XYLT1: variants seen among roughly 807,000 people sequenced by gnomAD.
XYLT1 encodes beta-D-xylosyltransferase 1.
In XYLT1, 36 loss-of-function variants were observed where a neutral mutation model predicts 91.3. The observed-to-expected ratio is 0.39, with a 90% CI of 0.30 to 0.52. The LOEUF (loss-of-function observed/expected upper bound fraction) is 0.52. XYLT1 is among the 20% of genes least tolerant of loss of function. The pLI, the probability that XYLT1 is intolerant of heterozygous loss-of-function variation, is 0.68. For synonymous variants in XYLT1, 588 were observed against 532.0 expected (o/e 1.11, Z -1.45); for missense variants, 1,242 against 1,284.5 (o/e 0.97, Z 0.51).
intron 1 of XYLT1, among the ~76,000 whole-genome samples, chr16:17,385,118 G>C (rs1317884077): frequency 6.6e-6 from 1 of 151,744 alleles, no homozygotes; most frequent in Non-Finnish European, 1.5e-5. Context: ...ACGGAGCAGA[G>C]AGACATGATC....
chr16:17,439,151 T>C (rs1215586013), intron 1 of XYLT1, among the ~76,000 whole-genome samples: 2 of 152,222 alleles, frequency 1.3e-5, no homozygotes, highest in Non-Finnish European at 2.9e-5. Context: ...AGTGAAGCAA[T>C]GATTTAGATC....
At chr16:17,461,847 C>T (rs1246433043) in intron 1 of XYLT1, among the ~76,000 whole-genome samples, 1 of 152,138 alleles carries the variant, frequency 6.6e-6, no homozygotes, top group Non-Finnish European at 1.5e-5. Context: ...AACTTATTGC[C>T]TTAGTTTTCA....
intron 3 of XYLT1, among the ~76,000 whole-genome samples, chr16:17,258,763 G>A (rs1165305615): frequency 2.6e-5 from 4 of 151,960 alleles, no homozygotes; most frequent in Admixed American, 6.6e-5. Flanking sequence ...AAAGGCAATG[G>A]GTTAAAGCAC....
At chr16:17,393,101 G>A (rs2035840555) in intron 1 of XYLT1, among the ~76,000 whole-genome samples, 1 of 152,030 alleles carries the variant, frequency 6.6e-6, no homozygotes, top group Non-Finnish European at 1.5e-5. Flanking sequence ...TTTGGAAAAA[G>A]CACAGGCCAG....
intron 1 of XYLT1, among the ~76,000 whole-genome samples, chr16:17,383,266 C>T (rs761407457): frequency 5.3e-5 from 8 of 151,898 alleles, no homozygotes; most frequent in Non-Finnish European, 1.2e-4. Flanking sequence ...GGAATCCCTT[C>T]TTCTCTTGCC....
At chr16:17,251,695 GCA>G (rs1413741027) in intron 3 of XYLT1, among the ~76,000 whole-genome samples, 2 of 152,174 alleles carry the variant, frequency 1.3e-5, no homozygotes, top group Non-Finnish European at 2.9e-5. Flanking sequence ...GTGTCACCTG[GCA>G]GCTGGCACAG....
At chr16:17,245,196 G>A (rs1297721477) in intron 3 of XYLT1, among the ~76,000 whole-genome samples, 2 of 152,184 alleles carry the variant, frequency 1.3e-5, no homozygotes, top group East Asian at 1.9e-4. Flanking sequence ...CTTGACTTGA[G>A]GAATTAGATT....
intron 1 of XYLT1, among the ~76,000 whole-genome samples, chr16:17,368,214 G>C (rs1047413171): frequency 1.3e-5 from 2 of 152,164 alleles, no homozygotes; most frequent in African/African-American, 4.8e-5. Flanking sequence ...GGGATGTAGA[G>C]CTGCCTTCCT....
chr16:17,347,315 C>T (rs890249487), intron 2 of XYLT1, among the ~76,000 whole-genome samples: 1 of 152,150 alleles, frequency 6.6e-6, no homozygotes, highest in Non-Finnish European at 1.5e-5. Flanking sequence ...CCGCCTCTCC[C>T]CACCCCACCA....
chr16:17,192,343 C>A (rs2032331996), intron 5 of XYLT1, among the ~76,000 whole-genome samples: 2 of 151,950 alleles, frequency 1.3e-5, no homozygotes, highest in South Asian at 4.2e-4. Flanking sequence ...AGGTGATCCA[C>A]CCATCTTGGC....
chr16:17,192,092 CTTTTTTT>C (rs550488299), intron 5 of XYLT1, among the ~76,000 whole-genome samples: 27 of 126,790 alleles, frequency 2.1e-4, no homozygotes, highest in South Asian at 1.0e-3. Flanking sequence ...CTCTCTCTCT[CTTTTTTT>C]TTTTTTTTTT....
At chr16:17,264,731 A>G (rs1461751705) in intron 2 of XYLT1, among the ~76,000 whole-genome samples, 1 of 152,228 alleles carries the variant, frequency 6.6e-6, no homozygotes, top group Non-Finnish European at 1.5e-5. Flanking sequence ...CAAAACAGAC[A>G]GTATTAGTAC....
At chr16:17,438,297 T>C (rs2036486836) in intron 1 of XYLT1, among the ~76,000 whole-genome samples, 1 of 152,182 alleles carries the variant, frequency 6.6e-6, no homozygotes, top group Non-Finnish European at 1.5e-5. Flanking sequence ...CATAGCATTT[T>C]TATAGCCATT....
chr16:17,353,188 C>T (rs1174795851), intron 2 of XYLT1, among the ~76,000 whole-genome samples: 1 of 152,188 alleles, frequency 6.6e-6, no homozygotes, highest in African/African-American at 2.4e-5. Context: ...GGGATCTCAG[C>T]ATAAACGAAG....
intron 2 of XYLT1, among the ~76,000 whole-genome samples, chr16:17,299,033 A>G (rs2034356582): frequency 6.6e-6 from 1 of 152,156 alleles, no homozygotes; most frequent in South Asian, 2.1e-4. Flanking sequence ...ATTTATATAT[A>G]ATATTATGTA....
chr16:17,409,722 G>T (rs2036083596), intron 1 of XYLT1, among the ~76,000 whole-genome samples: 1 of 151,750 alleles, frequency 6.6e-6, no homozygotes, highest in South Asian at 2.1e-4. Context: ...ACTAATTTTT[G>T]TATGTTTAGT....
chr16:17,136,351 G>C (rs8056341), intron 8 of XYLT1, among the ~76,000 whole-genome samples: 2 of 152,038 alleles, frequency 1.3e-5, no homozygotes, highest in Non-Finnish European at 2.9e-5. Flanking sequence ...CCCCCTGATC[G>C]TAAGTACCCT....
At chr16:17,323,420 C>A (rs940190455) in intron 2 of XYLT1, among the ~76,000 whole-genome samples, 2 of 152,174 alleles carry the variant, frequency 1.3e-5, no homozygotes, top group Non-Finnish European at 2.9e-5. Flanking sequence ...ATTAAAACCC[C>A]GGCTCCACTC....
At chr16:17,236,933 G>A (rs370820169) in intron 3 of XYLT1, among the ~76,000 whole-genome samples, 1 of 152,102 alleles carries the variant, frequency 6.6e-6, no homozygotes, top group East Asian at 1.9e-4. Context: ...AAGTCCTGGG[G>A]CTTAGGAATT....
Sources: gnomAD v4.1 joint callset for allele counts (sites outside exome capture counted in the v4.1 genomes callset) on GRCh38, gnomAD v4.1.1 for gene constraint, MANE v1.5 for transcripts, NCBI Gene and HGNC (gene_info 2026-07-23, HGNC 2026-07-21) for gene names.